Variants in SORCS2 observed in about 807,000 individuals in gnomAD.
The protein encoded by SORCS2 is sortilin related VPS10 domain containing receptor 2, also known as VPS10 domain-containing receptor SorCS2.
Under a neutral mutation model 141.6 loss-of-function variants are expected in SORCS2, and 100 were observed. The ratio of observed to expected loss-of-function variants is 0.71; its 90% CI spans 0.60 to 0.83. The LOEUF (loss-of-function observed/expected upper bound fraction) is 0.83. Among genes scored for constraint, SORCS2 ranks in the 40% least tolerant of loss-of-function variants. The pLI is 0.00. For synonymous variants in SORCS2, 789 were observed against 676.9 expected, an observed-to-expected ratio of 1.17 and a Z score of -2.57; for missense variants, 1,646 against 1,560.2, an observed-to-expected ratio of 1.05 and a Z score of -0.93.
At chr4:7,314,845 TTTG>T (rs1718459720) in intron 1 of SORCS2, among the ~76,000 whole-genome samples, 1 of 149,356 alleles carries the variant, frequency 6.7e-6, no homozygotes, top group African/African-American at 2.5e-5. Context: ...TGTTGTTGTT[TTTG>T]TTGTTGTTTT....
chr4:7,507,989 A>G (rs1196063225), intron 2 of SORCS2, among the ~76,000 whole-genome samples: 4 of 104,744 alleles, frequency 3.8e-5, no homozygotes, highest in Non-Finnish European at 5.8e-5. Context: ...AATTGTTTGT[A>G]AGGCAAAAAC....
At chr4:7,475,296 G>T (rs143256539) in intron 2 of SORCS2, among the ~76,000 whole-genome samples, 1 of 152,176 alleles carries the variant, frequency 6.6e-6, no homozygotes, top group African/African-American at 2.4e-5. Flanking sequence ...GGACTATGGA[G>T]AGCTGGTCAT....
At position 7,421,253 on chromosome 4, in the gene SORCS2, C is replaced by T. The variant is rs146465259; in HGVS notation, c.548+24898C>T. On this transcript the variant is annotated intron_variant, in intron 2 of 26. Coordinates refer to ENST00000507866, the MANE Select transcript of SORCS2 (RefSeq NM_020777.3). The stretch of plus-strand genomic sequence containing the variant: ...GGTGCACCACGCCATGCGTTTCCCA[C>T]GAGAGTCCCTGTTCCCACAGCTTCT... Among the ~76,000 whole-genome samples the T allele has an allele frequency of 5.2e-4, 79 of 152,324 alleles. 1 individual carries two copies. The East Asian group carries it at 0.014, about 27-fold the overall frequency.
At position 7,428,186 on chromosome 4, in the gene SORCS2, C is replaced by T. The variant is rs115807183; in HGVS notation, c.548+31831C>T. On this transcript the variant is annotated intron_variant, in intron 2 of 26. Coordinates refer to ENST00000507866, the MANE Select transcript of SORCS2 (RefSeq NM_020777.3). ...GGGCGGCTGCTGGAACTGAGCACAA[C>T]GGATTCATATTCATTTATTGAAAGA... Among the ~76,000 whole-genome samples the T allele has an allele frequency of 4.2e-3, 632 of 152,280 alleles. 4 individuals are homozygous for T. The highest frequency in any genetic ancestry group is 0.014 in the African/African-American group (578 of 41,552).
rs576445738 is a variant in SORCS2, at chr4:7,430,942, C to T, written c.548+34587C>T. 3.3e-5 allele frequency: 5 copies of T among 152,566 alleles called. No individual in the cohort carries two copies. In the East Asian group the frequency reaches 9.6e-4, roughly 29 times the overall value. 9.5% of individuals were successfully genotyped at this position (152,566 alleles called of 1,614,324 possible). A position where few individuals can be genotyped will look rare whatever the true frequency, so the allele number is the denominator to read the frequency against. Reference sequence around the variant, plus strand: ...CCCGTCCCTTGCTCCTCCTGCCTCTCTGCCTTTAGACCCCAAGGCAGCCAC... The same window carrying T: ...CCCGTCCCTTGCTCCTCCTGCCTCTTTGCCTTTAGACCCCAAGGCAGCCAC... On this transcript the variant is annotated intron_variant, in intron 2 of 26. Transcript: ENST00000507866.
chr4:7,506,116 C>T (rs1732264298), intron 2 of SORCS2, among the ~76,000 whole-genome samples: 2 of 152,084 alleles, frequency 1.3e-5, no homozygotes, highest in African/African-American at 4.8e-5. Flanking sequence ...AAGGTGATCC[C>T]AGTGGTAGGG....
At chr4:7,603,214 C>T (rs142556434) in intron 3 of SORCS2, among the ~76,000 whole-genome samples, 2,033 of 152,110 alleles carry the variant, frequency 0.013, 40 homozygotes, top group African/African-American at 0.047. Context: ...GAGAGCTAAA[C>T]GTCATTATTA....
chr4:7,360,187 C>T (rs1721496498), intron 1 of SORCS2, among the ~76,000 whole-genome samples: 1 of 152,232 alleles, frequency 6.6e-6, no homozygotes, highest in East Asian at 1.9e-4. Flanking sequence ...GAATACCGGG[C>T]AGGTTTTCTT....
At chr4:7,598,686 A>G (rs1717446961) in intron 3 of SORCS2, among the ~76,000 whole-genome samples, 1 of 152,124 alleles carries the variant, frequency 6.6e-6, no homozygotes, top group South Asian at 2.1e-4. Context: ...TGCCAATCTT[A>G]CCTAAGCTTT....
chr4:7,512,003 G>C (rs1231366241), intron 2 of SORCS2, among the ~76,000 whole-genome samples: 1 of 152,204 alleles, frequency 6.6e-6, no homozygotes, highest in Non-Finnish European at 1.5e-5. Context: ...GCAGCAGTGT[G>C]GACACCGCAG....
chr4:7,241,977 C>T (rs1712732850), intron 1 of SORCS2, among the ~76,000 whole-genome samples: 1 of 152,190 alleles, frequency 6.6e-6, no homozygotes, highest in South Asian at 2.1e-4. Context: ...CAGCTGAGTG[C>T]AGCTTGACTG....
chr4:7,629,835 C>T (rs1282925223), intron 3 of SORCS2, among the ~76,000 whole-genome samples: 1 of 152,098 alleles, frequency 6.6e-6, no homozygotes, highest in Non-Finnish European at 1.5e-5. Context: ...CTCCCCCAAA[C>T]CAGTTCTTCC....
chr4:7,375,011 A>G (rs1722548830), intron 1 of SORCS2, among the ~76,000 whole-genome samples: 1 of 152,168 alleles, frequency 6.6e-6, no homozygotes. Flanking sequence ...ATGTCTGAGC[A>G]AATCCACTGA....
intron 2 of SORCS2, among the ~76,000 whole-genome samples, chr4:7,496,939 G>T (rs1047752560): frequency 6.6e-6 from 1 of 152,246 alleles, no homozygotes; most frequent in African/African-American, 2.4e-5. Flanking sequence ...CCGTGCAGAG[G>T]TTTAGCCTTC....
chr4:7,724,060 T>C (rs925010845), intron 19 of SORCS2, among the ~76,000 whole-genome samples, 177 bp downstream of exon 19: 1 of 151,756 alleles, frequency 6.6e-6, no homozygotes, highest in Non-Finnish European at 1.5e-5. Flanking sequence ...TGATGACCCA[T>C]ACAATAGTAG....
intron 2 of SORCS2, among the ~76,000 whole-genome samples, chr4:7,406,400 G>A (rs1228840664): frequency 6.8e-6 from 1 of 146,080 alleles, no homozygotes; most frequent in Non-Finnish European, 1.5e-5. Flanking sequence ...CTTTATGACA[G>A]CTTTGATTTT....
intron 3 of SORCS2, among the ~76,000 whole-genome samples, chr4:7,550,139 TG>T (rs1713582830): frequency 4.2e-5 from 1 of 24,046 alleles, no homozygotes; most frequent in South Asian, 3.4e-3. Context: ...TGTATGTGTG[TG>T]TGTGTGTGTG....
intron 25 of SORCS2, among the ~76,000 whole-genome samples, chr4:7,735,046 A>G (rs960339773): frequency 6.6e-5 from 10 of 152,156 alleles, no homozygotes; most frequent in Admixed American, 5.2e-4. Context: ...CGTCATGGCC[A>G]CCCTGCAGGG....
At chr4:7,565,831 GAT>G (rs1319705919) in intron 3 of SORCS2, among the ~76,000 whole-genome samples, 8 of 62,762 alleles carry the variant, frequency 1.3e-4, no homozygotes, top group Non-Finnish European at 3.3e-4. Context: ...CAATGGTGAT[GAT>G]GATGGTGATG....
Sources: allele counts gnomAD v4.1 joint callset (sites outside exome capture counted in the v4.1 genomes callset), GRCh38; gene constraint gnomAD v4.1.1; transcripts MANE v1.5; gene names NCBI Gene and HGNC (gene_info 2026-07-23, HGNC 2026-07-21).